LINGO2: variants seen among roughly 807,000 people sequenced by gnomAD.
The protein encoded by LINGO2 is leucine-rich repeat and immunoglobulin-like domain-containing nogo receptor-interacting protein 2.
Under a neutral mutation model 30.6 loss-of-function variants are expected in LINGO2, and 14 were observed. That is an observed-to-expected ratio of 0.46 (90% CI 0.30 to 0.72). The LOEUF (loss-of-function observed/expected upper bound fraction) is 0.72. Among genes scored for constraint, LINGO2 ranks in the 30% least tolerant of loss-of-function variants. The pLI is 0.07. For synonymous variants in LINGO2, 317 were observed against 288.5 expected (o/e 1.10, Z -1.00); for missense variants, 729 against 751.7 (o/e 0.97, Z 0.35).
chr9:28,781,966 A>AGAG, the LINGO2 span, among the ~76,000 whole-genome samples: 3 of 152,214 alleles, frequency 2.0e-5, no homozygotes, highest in Non-Finnish European at 4.4e-5. Context: ...GAATTACATC[A>AGAG]GAGGGAATTT....
At chr9:28,375,139 C>CACACACA (rs1459996061) in intron 2 of LINGO2, among the ~76,000 whole-genome samples, 1 of 121,922 alleles carries the variant, frequency 8.2e-6, no homozygotes, top group Non-Finnish European at 1.9e-5. Flanking sequence ...CACACATACA[C>CACACACA]CCCACACTAA....
chr9:28,226,697 A>G (rs566631618), intron 4 of LINGO2, among the ~76,000 whole-genome samples: 1,614 of 60,568 alleles, frequency 0.027, 35 homozygotes, highest in Non-Finnish European at 0.037. Flanking sequence ...GAAAGAAAGA[A>G]AGAAAGAGAA....
chr9:28,796,727 T>A, the LINGO2 span, among the ~76,000 whole-genome samples: 3 of 152,098 alleles, frequency 2.0e-5, no homozygotes. Flanking sequence ...AAATTTTAAA[T>A]ATTTGAAGTG....
At chr9:29,157,818 A>C in the LINGO2 span, among the ~76,000 whole-genome samples, 1 of 152,102 alleles carries the variant, frequency 6.6e-6, no homozygotes, top group Non-Finnish European at 1.5e-5. Flanking sequence ...AATATGCGGT[A>C]ATCTTTGACT....
intron 1 of LINGO2, among the ~76,000 whole-genome samples, chr9:28,622,286 A>T (rs918628235): frequency 1.3e-5 from 2 of 151,820 alleles, no homozygotes; most frequent in African/African-American, 4.8e-5. Flanking sequence ...AACCATCCCA[A>T]CTTCCTCCTA....
chr9:28,683,335 T>G, the LINGO2 span, among the ~76,000 whole-genome samples: 3 of 152,142 alleles, frequency 2.0e-5, no homozygotes, highest in Non-Finnish European at 4.4e-5. Context: ...CATTTTCCTG[T>G]GAACTCCATA....
At chr9:28,635,635 T>C (rs893993297) in intron 1 of LINGO2, among the ~76,000 whole-genome samples, 6 of 152,102 alleles carry the variant, frequency 3.9e-5, no homozygotes, top group African/African-American at 1.4e-4. Context: ...TTATAATTAA[T>C]TACTAAATAA....
chr9:28,700,716 G>A, the LINGO2 span, among the ~76,000 whole-genome samples: 3 of 152,136 alleles, frequency 2.0e-5, no homozygotes, highest in East Asian at 1.9e-4. Flanking sequence ...CATTTTATAA[G>A]AAACTTCCAA....
At chr9:28,674,321 A>G (rs1039538112), upstream of LINGO2, among the ~76,000 whole-genome samples, 11 of 152,184 alleles carry the variant, frequency 7.2e-5, no homozygotes, top group Non-Finnish European at 1.0e-4. Flanking sequence ...TGGAGTAAGC[A>G]TATCATTTAG....
chr9:28,161,270 G>C (rs549436249), intron 4 of LINGO2, among the ~76,000 whole-genome samples: 2 of 152,184 alleles, frequency 1.3e-5, no homozygotes, highest in South Asian at 4.1e-4. Flanking sequence ...GGAAAAAGCA[G>C]GGGGGCAGTA....
the LINGO2 span, among the ~76,000 whole-genome samples, chr9:28,841,876 A>G: frequency 6.6e-6 from 1 of 151,812 alleles, no homozygotes; most frequent in African/African-American, 2.4e-5. Context: ...AGGGCACCAT[A>G]CTAATATCTT....
At chr9:28,989,934 A>T in the LINGO2 span, among the ~76,000 whole-genome samples, 1 of 152,206 alleles carries the variant, frequency 6.6e-6, no homozygotes, top group Non-Finnish European at 1.5e-5. Flanking sequence ...GAATAGGAAC[A>T]GCTCCGGTCT....
chr9:28,150,169 G>T (rs1587090164), intron 4 of LINGO2, among the ~76,000 whole-genome samples: 1 of 150,894 alleles, frequency 6.6e-6, no homozygotes, highest in Non-Finnish European at 1.5e-5. Flanking sequence ...GTTTGTAAGG[G>T]AGAAGCGCCT....
At chr9:28,080,803 C>T (rs1825752320) in intron 4 of LINGO2, 1 of 152,170 alleles carries the variant, frequency 6.6e-6, no homozygotes, top group Non-Finnish European at 1.5e-5. Flanking sequence ...TTCTTAAATT[C>T]TAAAAAGAAT....
chr9:27,952,177 T>G (rs1819345846), intron 5 of LINGO2, among the ~76,000 whole-genome samples: 2 of 151,990 alleles, frequency 1.3e-5, no homozygotes, highest in African/African-American at 4.8e-5. Flanking sequence ...TAAATGTAAT[T>G]TAAAAAAAAT....
Position 28,567,526 on chromosome 9 carries a change from T to C in LINGO2, c.-364-91501A>G, listed in dbSNP as rs546044425. ...TGGATGGAGCTACAGATCATTATCC[T>C]AAGTGAAATAACTCAGAAACAGGCA... On this transcript the variant is annotated intron_variant, in intron 1 of 5. Coordinates refer to ENST00000379992, the Ensembl canonical transcript of LINGO2. Among the ~76,000 whole-genome samples the C allele has an allele frequency of 1.5e-4, 23 of 152,200 alleles. No homozygotes were observed. The South Asian group carries it at 4.6e-3, about 30-fold the overall frequency.
intron 1 of LINGO2, among the ~76,000 whole-genome samples, chr9:28,542,393 A>G (rs759096581): frequency 3.6e-4 from 52 of 143,816 alleles, no homozygotes; most frequent in Non-Finnish European, 6.7e-4. Flanking sequence ...AGGCCTAAGG[A>G]AAGATGGCCC....
At chr9:28,208,819 C>T (rs572214737) in intron 4 of LINGO2, among the ~76,000 whole-genome samples, 1 of 152,170 alleles carries the variant, frequency 6.6e-6, no homozygotes, top group African/African-American at 2.4e-5. Context: ...GCTCACCTCA[C>T]ACATGCTTCA....
the LINGO2 span, among the ~76,000 whole-genome samples, chr9:28,981,718 G>A: frequency 6.6e-6 from 1 of 152,078 alleles, no homozygotes; most frequent in Non-Finnish European, 1.5e-5. Context: ...TTCAAATAGT[G>A]CTCCAATGAA....
Sources: allele counts gnomAD v4.1 joint callset (sites outside exome capture counted in the v4.1 genomes callset), GRCh38; gene constraint gnomAD v4.1.1; transcripts MANE v1.5; gene names NCBI Gene and HGNC (gene_info 2026-07-23, HGNC 2026-07-21).